NT5C2: variants seen among roughly 807,000 people sequenced by gnomAD.
NT5C2 encodes the protein cytosolic purine 5'-nucleotidase.
NT5C2 carries 58 observed loss-of-function variants against 76.1 expected under a neutral mutation model. That is an observed-to-expected ratio of 0.76 (90% CI 0.62 to 0.95). NT5C2 has a LOEUF of 0.95. Ranked by LOEUF, NT5C2 falls within the 40% of genes least tolerant of loss-of-function variation. NT5C2 has a pLI of 0.00. For missense variants in NT5C2, 478 were observed against 690.3 expected (o/e 0.69, Z 3.45); for synonymous variants, 229 against 237.4 (o/e 0.96, Z 0.32).
Position 103,094,596 on chromosome 10 carries a change from T to C in NT5C2, c.814-141A>G. ...ACTATTTTATTTTTTAAAAAGGTAT[T>C]GTGTCAGCCAGGCACAGTGGCTCAC... On this transcript the variant is annotated intron_variant, in intron 12 of 18. Coordinates refer to ENST00000404739, the MANE Select transcript of NT5C2 (RefSeq NM_001351169.2). The C allele has an allele frequency of 4.8e-6, 3 of 626,348 alleles. No individual in the cohort carries two copies. The Admixed American group carries it at 7.7e-5, about 16-fold the overall frequency. The allele number at this position is 626,348 out of a possible 1,614,324, so 38.8% of individuals were successfully genotyped here. A position where few individuals can be genotyped will look rare whatever the true frequency, so the allele number is the denominator to read the frequency against.
chr10:103,109,591 T>C (rs1464656255), intron 4 of NT5C2, among the ~76,000 whole-genome samples: 2 of 152,190 alleles, frequency 1.3e-5, no homozygotes, highest in Non-Finnish European at 2.9e-5. Context: ...CAGGATTTGG[T>C]CCATATAAAA....
intron 3 of NT5C2, among the ~76,000 whole-genome samples, chr10:103,162,043 T>C (rs2085024675): frequency 1.3e-5 from 2 of 152,166 alleles, no homozygotes. Context: ...TTTTGAGACA[T>C]TCTCGCTCTG....
rs1434158136 is a variant in NT5C2 at position 103,142,532 on chromosome 10, G to T, written c.102-3053C>A. ...CAAAAAATACAAAAAAAAGCTGGGT[G>T]TGGTGGCACATGCCTGTAGTCCCAG... On this transcript the variant is annotated intron_variant, in intron 3 of 18. Coordinates refer to ENST00000404739, the MANE Select transcript of NT5C2 (RefSeq NM_001351169.2). Among the ~76,000 whole-genome samples the T allele has an allele frequency of 2.6e-5, 4 of 152,220 alleles. No homozygotes were observed. In the South Asian group the frequency reaches 6.2e-4, roughly 24 times the overall value.
chr10:103,129,091 C>G (rs1235311975), intron 4 of NT5C2, among the ~76,000 whole-genome samples: 1 of 129,858 alleles, frequency 7.7e-6, no homozygotes, highest in Non-Finnish European at 1.7e-5. Context: ...GTCAGCCCCC[C>G]ACCTGGCCAG....
intron 3 of NT5C2, among the ~76,000 whole-genome samples, chr10:103,156,632 G>A (rs559761314): frequency 3.2e-4 from 48 of 152,064 alleles, no homozygotes; most frequent in South Asian, 4.2e-4. Flanking sequence ...GCGCATGCCT[G>A]TAATCCCAGC....
chr10:103,104,697 TAA>T (rs1344128606), intron 6 of NT5C2, among the ~76,000 whole-genome samples: 1 of 152,196 alleles, frequency 6.6e-6, no homozygotes, highest in East Asian at 1.9e-4. Flanking sequence ...TAATGCCAAC[TAA>T]AGAGTCTTAG....
At chr10:103,161,118 G>A (rs544205055) in intron 3 of NT5C2, among the ~76,000 whole-genome samples, 1 of 152,290 alleles carries the variant, frequency 6.6e-6, no homozygotes, top group East Asian at 1.9e-4. Flanking sequence ...TTGGCAAAGT[G>A]GAAGCAACCC....
At chr10:103,096,845 CAAAAAAAA>C (rs71019656) in intron 11 of NT5C2, among the ~76,000 whole-genome samples, 6 of 31,372 alleles carry the variant, frequency 1.9e-4, no homozygotes, top group African/African-American at 3.5e-4. Flanking sequence ...GACTCTGTCT[CAAAAAAAA>C]AAAAAAAAAA....
chr10:103,171,598 C>T (rs1333210297), intron 3 of NT5C2, among the ~76,000 whole-genome samples: 1 of 152,124 alleles, frequency 6.6e-6, no homozygotes, highest in Non-Finnish European at 1.5e-5. Flanking sequence ...TCTAGTAGGG[C>T]CCAGATTTTT....
At position 103,143,602 on chromosome 10, in the gene NT5C2, A is replaced by ATTTTTT. The variant is rs67395221; in HGVS notation, c.102-4129_102-4124dup. ...CAGGTACGCACCACCATGTCCAGCT[A>ATTTTTT]TTTTTTTTTTTTTTTTTTTTTTTTT... On this transcript the variant is annotated intron_variant, in intron 3 of 18. Transcript: ENST00000404739. Among the ~76,000 whole-genome samples the ATTTTTT allele has an allele frequency of 9.3e-5, 5 of 53,862 alleles. No individual in the cohort carries two copies. The Admixed American group carries it at 1.0e-3, about 11-fold the overall frequency. The allele number at this position is 53,862 out of a possible 152,430, so 35.3% of individuals were successfully genotyped here. A position where few individuals can be genotyped will look rare whatever the true frequency, so the allele number is the denominator to read the frequency against.
intron 3 of NT5C2, among the ~76,000 whole-genome samples, chr10:103,154,345 T>C (rs546075291): frequency 6.6e-6 from 1 of 152,244 alleles, no homozygotes; most frequent in South Asian, 2.1e-4. Flanking sequence ...TATTAAAATG[T>C]TTAAATAGTT....
chr10:103,184,963 A>G (rs11191598), intron 1 of NT5C2, among the ~76,000 whole-genome samples: 16,276 of 152,110 alleles, frequency 0.11, 1,130 homozygotes, highest in Non-Finnish European at 0.15. Context: ...TAGAAACTAC[A>G]AATTTATTTC....
At chr10:103,119,551 C>T (rs117842696) in intron 4 of NT5C2, among the ~76,000 whole-genome samples, 6 of 152,320 alleles carry the variant, frequency 3.9e-5, no homozygotes, top group Non-Finnish European at 8.8e-5. Context: ...TGACCTAGGA[C>T]AATGAGAATT....
intron 4 of NT5C2, among the ~76,000 whole-genome samples, chr10:103,134,115 T>C (rs2078741171): frequency 1.3e-5 from 2 of 152,000 alleles, no homozygotes; most frequent in African/African-American, 2.4e-5. Flanking sequence ...CACAATGCAA[T>C]AGAAAAGAAA....
intron 3 of NT5C2, 116 bp from the exon 4 acceptor site, chr10:103,139,595 A>C: frequency 1.4e-6 from 1 of 720,102 alleles, no homozygotes; most frequent in Non-Finnish European, 2.2e-6. Context: ...TTGATTTTTT[A>C]AACTTTTAAA....
intron 3 of NT5C2, chr10:103,153,336 A>G (rs1274421271): frequency 1.3e-5 from 16 of 1,278,696 alleles, no homozygotes; most frequent in African/African-American, 1.5e-5. Context: ...GGATGAGAAT[A>G]CAGGATCAAC....
intron 1 of NT5C2, among the ~76,000 whole-genome samples, chr10:103,191,006 G>A (rs2092593245): frequency 6.6e-6 from 1 of 152,204 alleles, no homozygotes; most frequent in Non-Finnish European, 1.5e-5. Flanking sequence ...TACTTTAAAA[G>A]AGCACAGTCA....
chr10:103,156,416 G>A (rs1400678624), intron 3 of NT5C2, among the ~76,000 whole-genome samples: 3 of 152,180 alleles, frequency 2.0e-5, no homozygotes, highest in Non-Finnish European at 2.9e-5. Context: ...TTTAGAAATT[G>A]CTTCCTAATA....
chr10:103,098,758 A>C, intron 10 of NT5C2, 173 bp downstream of exon 10: 1 of 547,744 alleles, frequency 1.8e-6, no homozygotes, highest in African/African-American at 1.9e-5. Flanking sequence ...AACAGGAAAA[A>C]CTCTACTAAG....
Sources: gnomAD v4.1 joint callset for allele counts (sites outside exome capture counted in the v4.1 genomes callset) on GRCh38, gnomAD v4.1.1 for gene constraint, MANE v1.5 for transcripts, NCBI Gene and HGNC (gene_info 2026-07-23, HGNC 2026-07-21) for gene names.